CTNNA2: variants seen among roughly 807,000 people sequenced by gnomAD.
CTNNA2 encodes the protein catenin alpha-2.
CTNNA2 carries 42 observed loss-of-function variants against 101.0 expected under a neutral mutation model. The observed-to-expected ratio is 0.42, with a 90% CI of 0.32 to 0.54. The LOEUF (loss-of-function observed/expected upper bound fraction) is 0.54, where lower values mean the gene tolerates loss of function less well. Ranked by LOEUF, CTNNA2 falls within the 20% of genes least tolerant of loss-of-function variation. The probability of loss-of-function intolerance (pLI) is 0.14; values close to 1 mark genes in which losing one functional copy is unlikely to be tolerated. For synonymous variants in CTNNA2, 450 were observed against 456.4 expected, an observed-to-expected ratio of 0.99 and a Z score of 0.18; for missense variants, 871 against 1,223.1, an observed-to-expected ratio of 0.71 and a Z score of 4.29.
At chr2:80,054,150 A>T (rs546776521) in intron 7 of CTNNA2, among the ~76,000 whole-genome samples, 2 of 152,092 alleles carry the variant, frequency 1.3e-5, no homozygotes, top group South Asian at 2.1e-4. Context: ...ATGAAATCAG[A>T]TGGGGGTTTG....
intron 3 of CTNNA2, among the ~76,000 whole-genome samples, chr2:79,777,712 C>A (rs1302690484): frequency 2.0e-5 from 3 of 152,096 alleles, no homozygotes; most frequent in African/African-American, 7.2e-5. Context: ...TAAATCAATT[C>A]TAGGATGGCA....
chr2:79,354,899 G>T (rs4852474), intron 3 of CTNNA2, among the ~76,000 whole-genome samples: 116,368 of 152,048 alleles, frequency 0.77, 44,818 homozygotes, highest in East Asian at 0.96. Flanking sequence ...TCTAAAAAGA[G>T]CTGTTTAAAG....
intron 3 of CTNNA2, among the ~76,000 whole-genome samples, chr2:79,783,191 G>A (rs1282994255): frequency 6.6e-6 from 1 of 152,170 alleles, no homozygotes; most frequent in Non-Finnish European, 1.5e-5. Flanking sequence ...TCATAGGTCT[G>A]CCAGAGGCTG....
chr2:80,161,626 C>G (rs1009970237), intron 7 of CTNNA2, among the ~76,000 whole-genome samples: 1 of 152,110 alleles, frequency 6.6e-6, no homozygotes, highest in Non-Finnish European at 1.5e-5. Context: ...AAGTTTTTAA[C>G]GTTTGACTGA....
intron 7 of CTNNA2, among the ~76,000 whole-genome samples, chr2:80,237,913 C>G (rs1241548883): frequency 6.6e-6 from 1 of 152,056 alleles, no homozygotes; most frequent in Non-Finnish European, 1.5e-5. Context: ...GGTGCTCATT[C>G]TGGATACCCA....
intron 4 of CTNNA2, among the ~76,000 whole-genome samples, chr2:79,394,309 A>G (rs1217596615): frequency 1.3e-5 from 2 of 152,208 alleles, no homozygotes; most frequent in Non-Finnish European, 2.9e-5. Flanking sequence ...CTGGCAGCAC[A>G]GCTGCTTAGA....
chr2:80,201,244 G>A (rs1335604670), intron 7 of CTNNA2, among the ~76,000 whole-genome samples: 3 of 151,796 alleles, frequency 2.0e-5, no homozygotes, highest in Non-Finnish European at 4.4e-5. Flanking sequence ...GAATCCATGG[G>A]TGTATAACTC....
chr2:80,478,772 A>G (rs114909426), intron 9 of CTNNA2, among the ~76,000 whole-genome samples: 1,534 of 152,204 alleles, frequency 0.01, 26 homozygotes, highest in African/African-American at 0.035. Context: ...TGTTTTGGTT[A>G]CTATAGCCTT....
Position 79,595,680 on chromosome 2 carries a change from G to A in CTNNA2, c.-5-55872G>A, listed in dbSNP as rs1677142503. The stretch of plus-strand genomic sequence containing the variant: ...CTTCCTTAGTCTTAACTCTCGCTAC[G>A]CTACCTTAATTTAGACCTTCGTTTT... On this transcript the variant is annotated intron_variant, in intron 1 of 18. Coordinates refer to ENST00000402739, the MANE Select transcript of CTNNA2 (RefSeq NM_001282597.3). Among the ~76,000 whole-genome samples, 3 of 151,890 alleles carry A rather than the reference G, an allele frequency of 2.0e-5. No homozygotes were observed. The South Asian group carries it at 6.2e-4, about 32-fold the overall frequency.
intron 1 of CTNNA2, among the ~76,000 whole-genome samples, chr2:79,557,660 T>G (rs1674528293): frequency 6.6e-6 from 1 of 151,932 alleles, no homozygotes; most frequent in African/African-American, 2.4e-5. Context: ...CTTTCTTCTT[T>G]CAAAATGATG....
Position 80,574,146 on chromosome 2 carries a change from T to G in CTNNA2, c.1742-17T>G, listed in dbSNP as rs1312539478. ...GAGAGAAATTGCCTAATCCTCTGCTTTTTATTTTTAACCCAGTGATGCCAC... is the reference window on the plus strand; with the variant it reads ...GAGAGAAATTGCCTAATCCTCTGCTGTTTATTTTTAACCCAGTGATGCCAC... On this transcript the variant is annotated splice_polypyrimidine_tract_variant and intron_variant, in intron 12 of 18. Transcript: ENST00000402739. The G allele has an allele frequency of 2.5e-6, 4 of 1,605,102 alleles. No homozygotes were observed. In the African/African-American group the frequency reaches 5.4e-5, roughly 21 times the overall value.
intron 4 of CTNNA2, among the ~76,000 whole-genome samples, chr2:79,452,593 C>G (rs973137605): frequency 1.3e-5 from 2 of 151,932 alleles, no homozygotes; most frequent in African/African-American, 4.8e-5. Context: ...CTATTTGGAA[C>G]AAATTTTGGA....
intron 2 of CTNNA2, among the ~76,000 whole-genome samples, chr2:79,725,067 TAGAG>T (rs999626407): frequency 6.6e-6 from 1 of 152,124 alleles, no homozygotes; most frequent in Non-Finnish European, 1.5e-5. Flanking sequence ...TTTAGGTCCA[TAGAG>T]GGAGCTACAT....
At chr2:79,938,957 G>A (rs1687968193) in intron 7 of CTNNA2, among the ~76,000 whole-genome samples, 1 of 152,172 alleles carries the variant, frequency 6.6e-6, no homozygotes, top group African/African-American at 2.4e-5. Context: ...AGCTATCACT[G>A]ACAGACAATG....
At chr2:80,637,774 G>A (rs879687197) in intron 18 of CTNNA2, among the ~76,000 whole-genome samples, 58 of 152,206 alleles carry the variant, frequency 3.8e-4, no homozygotes, top group African/African-American at 1.2e-3. Context: ...AGGAAGGATC[G>A]TTCCAGATCT....
chr2:80,402,807 T>C (rs1476723764), intron 8 of CTNNA2, among the ~76,000 whole-genome samples: 1 of 148,054 alleles, frequency 6.8e-6, no homozygotes, highest in Non-Finnish European at 1.5e-5. Flanking sequence ...TATATATTTA[T>C]ATAATTCTAT....
At chr2:79,719,544 G>T (rs1265006273) in intron 2 of CTNNA2, among the ~76,000 whole-genome samples, 4 of 152,052 alleles carry the variant, frequency 2.6e-5, no homozygotes, top group African/African-American at 9.7e-5. Flanking sequence ...TTTATCCGCA[G>T]CCTCACCAGT....
At chr2:79,835,840 C>A (rs894254463) in intron 3 of CTNNA2, among the ~76,000 whole-genome samples, 2 of 151,860 alleles carry the variant, frequency 1.3e-5, no homozygotes, top group South Asian at 4.1e-4. Flanking sequence ...ACCATGTTGG[C>A]CAGGATGGTC....
At chr2:79,809,226 T>G (rs1676815782) in intron 3 of CTNNA2, among the ~76,000 whole-genome samples, 1 of 152,164 alleles carries the variant, frequency 6.6e-6, no homozygotes, top group Admixed American at 6.5e-5. Flanking sequence ...TCTTTTCTAT[T>G]GTAAATGGTG....
Sources: gnomAD v4.1 joint callset for allele counts (sites outside exome capture counted in the v4.1 genomes callset) on GRCh38, gnomAD v4.1.1 for gene constraint, MANE v1.5 for transcripts, NCBI Gene and HGNC (gene_info 2026-07-23, HGNC 2026-07-21) for gene names.